The following FBXO11 variants were observed in gnomAD, a reference collection of about 807,000 sequenced individuals.
FBXO11 encodes F-box protein 11.
In FBXO11, 13 loss-of-function variants were observed where a neutral mutation model predicts 117.0. That is an observed-to-expected ratio of 0.11 (90% confidence interval 0.07 to 0.18). The LOEUF (loss-of-function observed/expected upper bound fraction) is 0.18. FBXO11 is among the 10% of genes least tolerant of loss of function. FBXO11 has a pLI of 1.00. For synonymous variants in FBXO11, 490 were observed against 380.5 expected (o/e 1.29, Z -3.35); for missense variants, 767 against 1,164.4 (o/e 0.66, Z 4.97).
Position 47,877,938 on chromosome 2 carries a change from C to G in FBXO11, c.232+27551G>C, listed in dbSNP as rs192134989. ...GACCTCATCATCCGCCTGCCTCGGC[C>G]TCCCAAAGTGCTGGGATTACAGGCG... is the stretch of plus-strand genomic sequence containing the variant. On this transcript the variant is annotated intron_variant, in intron 1 of 22. Transcript: ENST00000403359. 2.4e-3 allele frequency among the ~76,000 whole-genome samples: 362 copies of G among 152,312 alleles called. 2 individuals are homozygous for G. Among genetic ancestry groups the G allele is most frequent in the Non-Finnish European group, 4.2e-3 (283 of 68,026 alleles).
At chr2:47,828,497 A>T (rs1391703502) in intron 11 of FBXO11, among the ~76,000 whole-genome samples, 4 of 151,680 alleles carry the variant, frequency 2.6e-5, no homozygotes, top group Non-Finnish European at 5.9e-5. Context: ...ACTCCCACCT[A>T]CTCGGGAGAC....
chr2:47,850,047 G>A (rs905836622), intron 1 of FBXO11, among the ~76,000 whole-genome samples: 1 of 152,162 alleles, frequency 6.6e-6, no homozygotes, highest in African/African-American at 2.4e-5. Context: ...GACGAGTAAG[G>A]GAGCTACAGC....
At chr2:47,812,194 TTTAC>T (rs1333448988) in intron 18 of FBXO11, among the ~76,000 whole-genome samples, 1 of 152,226 alleles carries the variant, frequency 6.6e-6, no homozygotes, top group Non-Finnish European at 1.5e-5. Flanking sequence ...TAGACTTTTG[TTTAC>T]GATGTGCTCC....
chr2:47,865,052 T>C (rs1675091227), intron 1 of FBXO11, among the ~76,000 whole-genome samples: 1 of 152,214 alleles, frequency 6.6e-6, no homozygotes, highest in South Asian at 2.1e-4. Flanking sequence ...TGTTTCCTGT[T>C]TCCACAGGAA....
In FBXO11 at chr2:47,860,433, CAG is replaced by C. The variant is rs1325608182; in HGVS notation, c.233-20666_233-20665del. On this transcript the variant is annotated intron_variant, in intron 1 of 22. Transcript: ENST00000403359. ...GGATTTTTTTTTTTTTTTTTGGAGA[CAG>C]AGTCTGGCTCTGTCGCCCAGAGTGG... 4.9e-5 allele frequency among the ~76,000 whole-genome samples: 7 copies of C among 143,184 alleles called. No homozygotes were observed. The East Asian group carries it at 1.4e-3, about 29-fold the overall frequency. 93.9% of individuals were successfully genotyped at this position (143,184 alleles called of 152,430 possible). A position where few individuals can be genotyped will look rare whatever the true frequency, so the allele number is the denominator to read the frequency against.
At chr2:47,812,798 C>A in intron 18 of FBXO11, 1 of 215,494 alleles carries the variant, frequency 4.6e-6, no homozygotes, top group Non-Finnish European at 9.3e-6. Flanking sequence ...CCAAACCAGG[C>A]ACATCTTGGC....
intron 16 of FBXO11, among the ~76,000 whole-genome samples, chr2:47,815,851 T>A (rs1670969870): frequency 6.6e-6 from 1 of 152,210 alleles, no homozygotes; most frequent in Non-Finnish European, 1.5e-5. Context: ...GATCCTCCTG[T>A]GGCTCAGCAG....
chr2:47,837,203 C>G (rs1672650425), intron 4 of FBXO11, among the ~76,000 whole-genome samples: 1 of 152,194 alleles, frequency 6.6e-6, no homozygotes, highest in Admixed American at 6.5e-5. Flanking sequence ...GCTCTTCATT[C>G]TCATTTCTCC....
chr2:47,867,566 T>C (rs1388106197), intron 1 of FBXO11, among the ~76,000 whole-genome samples: 1 of 152,188 alleles, frequency 6.6e-6, no homozygotes, highest in African/African-American at 2.4e-5. Flanking sequence ...TAACGACACA[T>C]ATGAAAAAGG....
At chr2:47,864,652 TA>T (rs1482543290) in intron 1 of FBXO11, among the ~76,000 whole-genome samples, 1 of 152,172 alleles carries the variant, frequency 6.6e-6, no homozygotes, top group Non-Finnish European at 1.5e-5. Flanking sequence ...CTAGATTTAA[TA>T]AATTATTTAT....
At chr2:47,874,859 T>C (rs1675882781) in intron 1 of FBXO11, among the ~76,000 whole-genome samples, 2 of 146,654 alleles carry the variant, frequency 1.4e-5, no homozygotes, top group South Asian at 2.1e-4. Context: ...AAAAACATTG[T>C]CTCAGGACTT....
At chr2:47,892,309 A>G (rs1677313366) in intron 1 of FBXO11, among the ~76,000 whole-genome samples, 1 of 152,172 alleles carries the variant, frequency 6.6e-6, no homozygotes, top group Non-Finnish European at 1.5e-5. Context: ...ATTAGTTAAC[A>G]TTTCACCAAA....
At chr2:47,894,375 AAAT>A (rs1241003837) in intron 1 of FBXO11, among the ~76,000 whole-genome samples, 1 of 152,216 alleles carries the variant, frequency 6.6e-6, no homozygotes, top group Admixed American at 6.5e-5. Context: ...ATAACTGTCC[AAAT>A]AATAGCAAAA....
At chr2:47,848,831 G>C (rs1456390214) in intron 1 of FBXO11, among the ~76,000 whole-genome samples, 1 of 152,120 alleles carries the variant, frequency 6.6e-6, no homozygotes, top group African/African-American at 2.4e-5. Flanking sequence ...TCTGAGCCTA[G>C]CAGAATACCT....
Position 47,832,668 on chromosome 2 carries a change from T to G in FBXO11, c.1164A>C (p.Ala388=). 6.2e-7 allele frequency: 1 copy of G among 1,613,630 alleles called. No individual in the cohort carries two copies. Among genetic ancestry groups the G allele is most frequent in the Non-Finnish European group, 8.5e-7 (1 of 1,179,764 alleles). The change falls in exon 10 of 23, where the codon GCA becomes GCC. Residue 388 remains alanine (A), a synonymous_variant. Transcript: ENST00000403359. ...IIRSTCTVGS[A]VCVSGQGACP... Reference sequence around the variant, plus strand: ...ATGCTCCTTGACCACTAACACATACTGCAGAACCAACTGTAGAAAAATTAT... The same window carrying G: ...ATGCTCCTTGACCACTAACACATACGGCAGAACCAACTGTAGAAAAATTAT...
At chr2:47,877,275 TC>T (rs1485522707) in intron 1 of FBXO11, among the ~76,000 whole-genome samples, 1 of 152,126 alleles carries the variant, frequency 6.6e-6, no homozygotes, top group African/African-American at 2.4e-5. Context: ...AATTATTCCT[TC>T]CTTTACCTCC....
At chr2:47,834,764 C>A (rs1672427281) in intron 6 of FBXO11, 24 bp downstream of exon 6, 2 of 1,607,850 alleles carry the variant, frequency 1.2e-6, no homozygotes, top group South Asian at 1.1e-5. Flanking sequence ...CATTTTAAGT[C>A]ATAAAAATAA....
rs1395923242 is a variant in FBXO11, at chr2:47,854,207, C to CT, written c.233-14439dup. ...CTCAGTTTAAGAATATTCTTTTTTT[C>CT]TTTTTTTTGAGACGGAGTCTCGCTC... is the stretch of plus-strand genomic sequence containing the variant. On this transcript the variant is annotated intron_variant, in intron 1 of 22. Transcript: ENST00000403359. Among the ~76,000 whole-genome samples the CT allele has an allele frequency of 2.0e-5, 3 of 150,592 alleles. No homozygotes were observed. In the East Asian group the frequency reaches 5.8e-4, roughly 29 times the overall value.
At chr2:47,851,329 C>T (rs757039432) in intron 1 of FBXO11, among the ~76,000 whole-genome samples, 9 of 151,994 alleles carry the variant, frequency 5.9e-5, no homozygotes, top group African/African-American at 9.7e-5. Flanking sequence ...CAGGTTCAAG[C>T]GATTCTCCTG....
Sources: gnomAD v4.1 joint callset for allele counts (sites outside exome capture counted in the v4.1 genomes callset) on GRCh38, gnomAD v4.1.1 for gene constraint, MANE v1.5 for transcripts, NCBI Gene and HGNC (gene_info 2026-07-23, HGNC 2026-07-21) for gene names.